ADAM20: variants seen among roughly 807,000 people sequenced by gnomAD.
ADAM20 encodes the protein ADAM metallopeptidase domain 20.
For missense variants in ADAM20, 871 were observed against 883.2 expected, an observed-to-expected ratio of 0.99 and a Z score of 0.18; for synonymous variants, 305 against 310.2, an observed-to-expected ratio of 0.98 and a Z score of 0.18.
rs757864317 is a variant in ADAM20 at position 70,523,107 on chromosome 14, A to G, written c.1651T>C (p.Tyr551His). 2 of 1,613,920 alleles carry G rather than the reference A, an allele frequency of 1.2e-6. No homozygotes were observed. The highest frequency in any genetic ancestry group is 2.2e-5 in the East Asian group (1 of 44,866). ...FGHCGIVGTT[Y>H]VKCWTPDIMC... is the part of the protein sequence containing the mutation. ...ATATCAGGGGTCCAACATTTTACAT[A>G]TGTTGTGCCTACAATACCACAGTGA... is the stretch of plus-strand genomic sequence containing the variant. The change falls in exon 2 of 2, where the codon TAT becomes CAT. Residue 551 changes from tyrosine to histidine, a missense_variant. Transcript: ENST00000256389.
the ADAM20 span, among the ~76,000 whole-genome samples, chr14:70,555,855 C>A: frequency 6.6e-6 from 1 of 152,176 alleles, no homozygotes; most frequent in Non-Finnish European, 1.5e-5. Flanking sequence ...TTGTTTTCAC[C>A]ATCTACTTTC....
At chr14:70,528,805 G>A (rs1424471117) in intron 1 of ADAM20, among the ~76,000 whole-genome samples, 1 of 152,202 alleles carries the variant, frequency 6.6e-6, no homozygotes, top group Non-Finnish European at 1.5e-5. Flanking sequence ...GAGTCTGACA[G>A]AATGGGCAAT....
chr14:70,565,932 G>GA, the ADAM20 span, among the ~76,000 whole-genome samples: 6,031 of 139,380 alleles, frequency 0.043, 129 homozygotes, highest in Middle Eastern at 0.07. Context: ...AGTGCTGAAA[G>GA]AAAAAAAAAA....
chr14:70,537,962 C>A (rs754121934), upstream of ADAM20, among the ~76,000 whole-genome samples: 6 of 152,132 alleles, frequency 3.9e-5, no homozygotes, highest in Non-Finnish European at 8.8e-5. Context: ...AAGCTTGTAC[C>A]CCTCATGAAA....
rs1358575171 is a variant in ADAM20 at position 70,524,922 on chromosome 14, T to G, written c.-165A>C. 1 of 1,571,420 alleles carries G rather than the reference T, an allele frequency of 6.4e-7. No individual in the cohort carries two copies. Among genetic ancestry groups the G allele is most frequent in the East Asian group, 2.3e-5 (1 of 44,358 alleles). ...AGCTGGACCATCAGAGCTGCAGTGC[T>G]GAAAATAAAAACTGAAAGAGCCAGG... On this transcript the variant is annotated 5_prime_UTR_variant, in exon 2 of 2. Transcript: ENST00000256389.
the ADAM20 span, among the ~76,000 whole-genome samples, chr14:70,569,192 G>A: frequency 0.024 from 3,708 of 152,204 alleles, 136 homozygotes; most frequent in African/African-American, 0.084. Context: ...ATAAATAAGG[G>A]AGAAATAAAG....
At chr14:70,569,603 CAA>C in the ADAM20 span, among the ~76,000 whole-genome samples, 1 of 151,144 alleles carries the variant, frequency 6.6e-6, no homozygotes, top group African/African-American at 2.4e-5. Context: ...AACAAACAAA[CAA>C]AAAAGAGGAT....
At chr14:70,554,472 T>C in the ADAM20 span, among the ~76,000 whole-genome samples, 2 of 152,132 alleles carry the variant, frequency 1.3e-5, no homozygotes, top group African/African-American at 2.4e-5. Flanking sequence ...AGCTAAGATA[T>C]GGAAACAATC....
chr14:70,570,354 G>A, the ADAM20 span, among the ~76,000 whole-genome samples: 1 of 151,666 alleles, frequency 6.6e-6, no homozygotes, highest in Non-Finnish European at 1.5e-5. Flanking sequence ...CTGGTTCATC[G>A]AAACAAAATT....
chr14:70,558,826 T>G, the ADAM20 span, among the ~76,000 whole-genome samples: 1 of 152,364 alleles, frequency 6.6e-6, no homozygotes, highest in East Asian at 1.9e-4. Flanking sequence ...CTCTTTGAAT[T>G]GCTTTCTTCA....
Position 70,527,648 on chromosome 14 carries a change from A to C in ADAM20, c.-176-2715T>G, listed in dbSNP as rs377411440. 4.6e-5 allele frequency among the ~76,000 whole-genome samples: 7 copies of C among 152,266 alleles called. No homozygotes were observed. The South Asian group carries it at 1.5e-3, about 32-fold the overall frequency. On this transcript the variant is annotated intron_variant, in intron 1 of 1. Coordinates refer to ENST00000256389, the MANE Select transcript of ADAM20 (RefSeq NM_003814.5). Reference sequence around the variant, plus strand: ...CTGACATCTCACATGTCAAAAGTAAACAAATCTCTGTAGATCTCACAGAGG... The same window carrying C: ...CTGACATCTCACATGTCAAAAGTAACCAAATCTCTGTAGATCTCACAGAGG...
At chr14:70,536,010 A>G (rs1473875176), upstream of ADAM20, among the ~76,000 whole-genome samples, 2 of 152,244 alleles carry the variant, frequency 1.3e-5, no homozygotes, top group Non-Finnish European at 2.9e-5. Flanking sequence ...AACAATTAGT[A>G]AGGAAATAGA....
At chr14:70,571,567 G>A in the ADAM20 span, among the ~76,000 whole-genome samples, 2 of 152,244 alleles carry the variant, frequency 1.3e-5, no homozygotes, top group African/African-American at 4.8e-5. Flanking sequence ...TTTATAAGCA[G>A]CATCAGAATT....
rs1374732587 is a variant in ADAM20, at chr14:70,523,814, C to A, written c.944G>T (p.Gly315Val). Reference sequence around the variant, plus strand: ...AGTATTAAAAGGATTCTGGCATATTCCTTTAACATAGGCAACACCAAGCTT... The same window carrying A: ...AGTATTAAAAGGATTCTGGCATATTACTTTAACATAGGCAACACCAAGCTT... ...GMKLGVAYVK[G>V]ICQNPFNTGV... is the part of the protein sequence containing the mutation. The change falls in exon 2 of 2, where the codon GGA (glycine) becomes GTA (valine). Residue 315 changes from glycine to valine, a missense_variant. Coordinates refer to ENST00000256389, the MANE Select transcript of ADAM20 (RefSeq NM_003814.5). 6.2e-7 allele frequency: 1 copy of A among 1,614,024 alleles called. No individual in the cohort carries two copies. The highest frequency in any genetic ancestry group is 1.1e-5 in the South Asian group (1 of 91,076).
In ADAM20 at chr14:70,524,046, CA is replaced by C. The variant is rs746643086; in HGVS notation, c.711del (p.Val238SerfsTer3). On this transcript the variant is annotated frameshift_variant, in exon 2 of 2. Coordinates refer to ENST00000256389, the MANE Select transcript of ADAM20 (RefSeq NM_003814.5). LOFTEE classifies it low-confidence loss of function (END_TRUNC). ...TGATAGAAGGAATCCACTATATTGACAACGTTAAATACTTCATGCTGCACTG... is the reference window on the plus strand; with the variant it reads ...TGATAGAAGGAATCCACTATATTGACACGTTAAATACTTCATGCTGCACTG... ...ATTVQHEVFN[V>X]VNIVDSFYHP... is the part of the protein sequence containing the mutation. The C allele has an allele frequency of 3.7e-6, 6 of 1,613,768 alleles. No individual in the cohort carries two copies. Among genetic ancestry groups the C allele is most frequent in the Non-Finnish European group, 5.1e-6 (6 of 1,179,940 alleles).
the ADAM20 span, among the ~76,000 whole-genome samples, chr14:70,571,945 G>A: frequency 6.6e-6 from 1 of 152,098 alleles, no homozygotes; most frequent in Non-Finnish European, 1.5e-5. Context: ...CCTCTACAAG[G>A]AGAACTACAA....
At chr14:70,554,647 C>A in the ADAM20 span, among the ~76,000 whole-genome samples, 136 of 152,154 alleles carry the variant, frequency 8.9e-4, no homozygotes, top group Admixed American at 2.4e-3. Flanking sequence ...ATGAAATAAG[C>A]CAGATGCAGA....
the ADAM20 span, among the ~76,000 whole-genome samples, chr14:70,557,630 T>A: frequency 6.6e-6 from 1 of 152,264 alleles, no homozygotes; most frequent in East Asian, 1.9e-4. Context: ...GAGAAGATAG[T>A]GCATGATCAC....
chr14:70,579,370 C>T, the ADAM20 span, among the ~76,000 whole-genome samples: 1 of 152,094 alleles, frequency 6.6e-6, no homozygotes, highest in South Asian at 2.1e-4. Context: ...TTAATAATAG[C>T]CATCCTGACT....
Sources: gnomAD v4.1 joint callset for allele counts (sites outside exome capture counted in the v4.1 genomes callset) on GRCh38, gnomAD v4.1.1 for gene constraint, MANE v1.5 for transcripts, NCBI Gene and HGNC (gene_info 2026-07-23, HGNC 2026-07-21) for gene names.